SHISA9: variants seen among roughly 807,000 people sequenced by gnomAD.
The protein encoded by SHISA9 is shisa family member 9.
SHISA9 carries 13 observed loss-of-function variants against 38.0 expected under a neutral mutation model. The ratio of observed to expected loss-of-function variants is 0.34; its 90% confidence interval spans 0.22 to 0.54. The LOEUF is 0.54. Ranked by LOEUF, SHISA9 falls within the 20% of genes least tolerant of loss-of-function variation. The probability of loss-of-function intolerance (pLI) is 0.91; values close to 1 mark genes in which losing one functional copy is unlikely to be tolerated. For synonymous variants in SHISA9, 275 were observed against 242.0 expected (o/e 1.14, Z -1.27); for missense variants, 538 against 575.8 (o/e 0.93, Z 0.67).
rs139268560 is a variant in SHISA9 at position 13,011,836 on chromosome 16, T to C, written c.691+95021T>C. Among the ~76,000 whole-genome samples, 441 of 151,852 alleles carry C rather than the reference T, an allele frequency of 2.9e-3. 3 individuals are homozygous for C. Among genetic ancestry groups the C allele is most frequent in the African/African-American group, 1.0e-2 (412 of 41,402 alleles). Reference sequence around the variant, plus strand: ...GTGCCTGGCCTTTGACTTTTTTTTTTTGTTTTTGAGACAGAGTCTTGCTCT... The same window carrying C: ...GTGCCTGGCCTTTGACTTTTTTTTTCTGTTTTTGAGACAGAGTCTTGCTCT... On this transcript the variant is annotated intron_variant, in intron 2 of 4. Coordinates refer to ENST00000558583, the MANE Select transcript of SHISA9 (RefSeq NM_001145204.3).
chr16:13,275,149 T>C, the SHISA9 span, among the ~76,000 whole-genome samples: 1 of 152,134 alleles, frequency 6.6e-6, no homozygotes, highest in African/African-American at 2.4e-5. Context: ...TCAAGTGTGG[T>C]AACTGATGAG....
intron 2 of SHISA9, among the ~76,000 whole-genome samples, chr16:13,139,638 C>G (rs189884286): frequency 3.3e-5 from 5 of 152,074 alleles, no homozygotes; most frequent in African/African-American, 7.2e-5. Flanking sequence ...CACGAGTCTC[C>G]TCCGCATTCC....
the SHISA9 span, among the ~76,000 whole-genome samples, chr16:13,484,463 C>G: frequency 6.6e-6 from 1 of 152,156 alleles, no homozygotes; most frequent in Non-Finnish European, 1.5e-5. Context: ...TCCTCCTCTT[C>G]CTCTCAAGTA....
the SHISA9 span, among the ~76,000 whole-genome samples, chr16:13,409,271 T>C: frequency 1.3e-5 from 2 of 152,126 alleles, no homozygotes; most frequent in Non-Finnish European, 2.9e-5. Context: ...CACCACTCAG[T>C]AAAACCCCTG....
chr16:12,917,757 G>T (rs886230645), intron 2 of SHISA9, among the ~76,000 whole-genome samples: 3 of 152,200 alleles, frequency 2.0e-5, no homozygotes, highest in African/African-American at 7.2e-5. Flanking sequence ...GCATTTAGTT[G>T]TGGCTGGAGG....
the SHISA9 span, among the ~76,000 whole-genome samples, chr16:13,340,580 T>C: frequency 6.6e-6 from 1 of 152,074 alleles, no homozygotes; most frequent in African/African-American, 2.4e-5. Flanking sequence ...AGAAGTTGAG[T>C]CTTTACAAAC....
chr16:13,072,065 G>T (rs1347240502), intron 2 of SHISA9, among the ~76,000 whole-genome samples: 1 of 152,206 alleles, frequency 6.6e-6, no homozygotes, highest in Non-Finnish European at 1.5e-5. Context: ...AGTGCCCGGG[G>T]ACTAAATGAT....
At chr16:12,936,967 A>AC (rs2071542623) in intron 2 of SHISA9, among the ~76,000 whole-genome samples, 1 of 152,166 alleles carries the variant, frequency 6.6e-6, no homozygotes, top group Non-Finnish European at 1.5e-5. Flanking sequence ...CCTTACTCCA[A>AC]CACTGTCTTT....
At chr16:13,295,259 T>G in the SHISA9 span, among the ~76,000 whole-genome samples, 1 of 152,202 alleles carries the variant, frequency 6.6e-6, no homozygotes, top group Non-Finnish European at 1.5e-5. Flanking sequence ...AAAATATATC[T>G]GGGCTGAATT....
chr16:13,358,155 C>T, the SHISA9 span, among the ~76,000 whole-genome samples: 1 of 152,072 alleles, frequency 6.6e-6, no homozygotes, highest in South Asian at 2.1e-4. Flanking sequence ...GCAATTGGCC[C>T]TCACTACTAG....
the SHISA9 span, among the ~76,000 whole-genome samples, chr16:13,360,321 A>G: frequency 6.6e-6 from 1 of 152,124 alleles, no homozygotes; most frequent in East Asian, 1.9e-4. Flanking sequence ...TTCCTGTCTC[A>G]GGGCTTGATA....
the SHISA9 span, among the ~76,000 whole-genome samples, chr16:13,420,790 C>G: frequency 6.6e-5 from 10 of 152,278 alleles, no homozygotes; most frequent in African/African-American, 9.6e-5. Context: ...AGCATGTGCA[C>G]ATTTCTTCTG....
At chr16:13,343,945 G>A in the SHISA9 span, among the ~76,000 whole-genome samples, 4 of 152,042 alleles carry the variant, frequency 2.6e-5, no homozygotes, top group African/African-American at 7.2e-5. Flanking sequence ...AGGATAATTT[G>A]GATAAAATTA....
At chr16:13,343,226 A>G in the SHISA9 span, among the ~76,000 whole-genome samples, 2 of 152,198 alleles carry the variant, frequency 1.3e-5, no homozygotes, top group Non-Finnish European at 2.9e-5. Flanking sequence ...AAATCTTTGC[A>G]CCAAATCTGC....
chr16:13,095,493 T>G (rs1370936352), intron 2 of SHISA9, among the ~76,000 whole-genome samples: 1 of 152,106 alleles, frequency 6.6e-6, no homozygotes, highest in African/African-American at 2.4e-5. Flanking sequence ...AGGGAAATGG[T>G]GGTGGTTAGG....
chr16:13,416,772 A>G, the SHISA9 span, among the ~76,000 whole-genome samples: 581 of 77,116 alleles, frequency 7.5e-3, 1 homozygote, highest in African/African-American at 9.2e-3. Flanking sequence ...GGAAGGAAGG[A>G]AGGGAAGGAA....
At chr16:13,100,454 C>T (rs1005347242) in intron 2 of SHISA9, among the ~76,000 whole-genome samples, 5 of 152,160 alleles carry the variant, frequency 3.3e-5, no homozygotes, top group African/African-American at 1.2e-4. Flanking sequence ...GCATAGCCCT[C>T]GGGCTGGTGT....
intron 2 of SHISA9, among the ~76,000 whole-genome samples, chr16:13,057,681 A>T (rs1374643805): frequency 6.6e-6 from 1 of 152,174 alleles, no homozygotes; most frequent in Non-Finnish European, 1.5e-5. Flanking sequence ...TCTGCGATAC[A>T]TGTGCAGAAT....
chr16:12,951,739 T>C (rs1381021914), intron 2 of SHISA9, among the ~76,000 whole-genome samples: 1 of 152,166 alleles, frequency 6.6e-6, no homozygotes, highest in Non-Finnish European at 1.5e-5. Context: ...CTTTTTCCAG[T>C]GATTCTTCCC....
Sources: gnomAD v4.1 joint callset for allele counts (sites outside exome capture counted in the v4.1 genomes callset) on GRCh38, gnomAD v4.1.1 for gene constraint, MANE v1.5 for transcripts, NCBI Gene and HGNC (gene_info 2026-07-23, HGNC 2026-07-21) for gene names.